The following SDK1 variants were observed in gnomAD, a reference collection of about 807,000 sequenced individuals.
SDK1 encodes the protein sidekick cell adhesion molecule 1.
A neutral mutation model predicts 245.5 loss-of-function variants in SDK1; 157 were observed. The observed-to-expected ratio is 0.64, with a 90% CI of 0.56 to 0.73. The LOEUF is 0.73. Ranked by LOEUF, SDK1 falls within the 30% of genes least tolerant of loss-of-function variation. The probability of loss-of-function intolerance (pLI) is 0.00; values close to 1 mark genes in which losing one functional copy is unlikely to be tolerated. For missense variants in SDK1, 3,583 were observed against 3,002.3 expected (o/e 1.19, Z -4.52); for synonymous variants, 1,647 against 1,278.5 (o/e 1.29, Z -6.15).
At chr7:3,931,624 C>A (rs1281868109) in intron 5 of SDK1, among the ~76,000 whole-genome samples, 1 of 152,228 alleles carries the variant, frequency 6.6e-6, no homozygotes, top group South Asian at 2.1e-4. Flanking sequence ...TCCTTAAACT[C>A]CCCGCCATCT....
intron 1 of SDK1, among the ~76,000 whole-genome samples, chr7:3,417,689 G>C (rs547156442): frequency 1.3e-5 from 2 of 152,082 alleles, no homozygotes; most frequent in Non-Finnish European, 2.9e-5. Context: ...TTTTCTAACA[G>C]TCTTCTTTGC....
intron 4 of SDK1, among the ~76,000 whole-genome samples, chr7:3,757,484 A>C (rs569723583): frequency 6.6e-6 from 1 of 152,158 alleles, no homozygotes; most frequent in South Asian, 2.1e-4. Context: ...CAGTCCTCCC[A>C]CTTTGGCCTC....
chr7:4,168,884 T>G (rs1781661096), intron 32 of SDK1, among the ~76,000 whole-genome samples: 1 of 152,080 alleles, frequency 6.6e-6, no homozygotes, highest in South Asian at 2.1e-4. Context: ...AGGTCTCTCA[T>G]CTTCACTGCC....
intron 5 of SDK1, among the ~76,000 whole-genome samples, chr7:3,879,498 CACGCCCTTTT>C (rs1781153530): frequency 2.6e-5 from 4 of 152,168 alleles, no homozygotes; most frequent in African/African-American, 7.2e-5. Context: ...TCCTGGACCC[CACGCCCTTTT>C]CAAGGGGCCA....
intron 1 of SDK1, among the ~76,000 whole-genome samples, chr7:3,427,746 C>T (rs1779717246): frequency 6.6e-6 from 1 of 152,042 alleles, no homozygotes; most frequent in Non-Finnish European, 1.5e-5. Flanking sequence ...TTTTTGCTGG[C>T]ATCACTTCCT....
At position 4,088,701 on chromosome 7, in the gene SDK1, C is replaced by G. The variant is rs568266681; in HGVS notation, c.3324+9117C>G. On this transcript the variant is annotated intron_variant, in intron 22 of 44. Coordinates refer to ENST00000404826, the MANE Select transcript of SDK1 (RefSeq NM_152744.4). Reference sequence around the variant, plus strand: ...TTTCACTATTCCGGAGCTCCTGAGACAGAAGCAATTTGGTCTTGATGTTTG... The same window carrying G: ...TTTCACTATTCCGGAGCTCCTGAGAGAGAAGCAATTTGGTCTTGATGTTTG... Among the ~76,000 whole-genome samples the G allele has an allele frequency of 4.9e-4, 74 of 152,236 alleles. 1 individual carries two copies. In the South Asian group the frequency reaches 0.015, roughly 30 times the overall value.
chr7:3,546,270 G>A (rs10250397), intron 1 of SDK1, among the ~76,000 whole-genome samples: 1 of 151,748 alleles, frequency 6.6e-6, no homozygotes, highest in Admixed American at 6.6e-5. Flanking sequence ...AAAGGGCACT[G>A]GAAACAGAAA....
chr7:3,676,131 A>T (rs962756543), intron 4 of SDK1, among the ~76,000 whole-genome samples: 1 of 151,754 alleles, frequency 6.6e-6, no homozygotes, highest in African/African-American at 2.4e-5. Context: ...ACACCTGGCT[A>T]AATTTTGTAT....
intron 38 of SDK1, among the ~76,000 whole-genome samples, chr7:4,216,397 G>A (rs1459275997): frequency 1.3e-5 from 2 of 152,184 alleles, no homozygotes; most frequent in African/African-American, 4.8e-5. Flanking sequence ...ACTCCCGTCT[G>A]CTCCTCCCCG....
chr7:3,836,555 A>G lies in SDK1; in HGVS notation c.847+14972A>G, dbSNP rs1035528031. On this transcript the variant is annotated intron_variant, in intron 5 of 44. Transcript: ENST00000404826. ...AACAAAAGACAAACAAGCACTTTCA[A>G]TATGGTTTGGGATGTTCTAAGGGAA... 4.5e-4 allele frequency among the ~76,000 whole-genome samples: 69 copies of G among 152,302 alleles called. 1 individual carries two copies. The highest frequency in any genetic ancestry group is 3.7e-3 in the Admixed American group (57 of 15,308).
At chr7:3,744,905 G>A (rs1229641090) in intron 4 of SDK1, among the ~76,000 whole-genome samples, 1 of 152,000 alleles carries the variant, frequency 6.6e-6, no homozygotes, top group Admixed American at 6.6e-5. Flanking sequence ...CCAAAATAAA[G>A]AACTGCTTTT....
chr7:3,400,603 A>G (rs891458521), intron 1 of SDK1, among the ~76,000 whole-genome samples: 17 of 152,176 alleles, frequency 1.1e-4, no homozygotes, highest in African/African-American at 3.9e-4. Flanking sequence ...ATAAAAAGTA[A>G]AGTACAGGAT....
Position 4,187,156 on chromosome 7 carries a change from G to A in SDK1, c.5098+8570G>A, listed in dbSNP as rs986624687. On this transcript the variant is annotated intron_variant, in intron 35 of 44. Transcript: ENST00000404826. ...GTGGGCTTGCTGCTACATGAGGCAC[G>A]GGGGCCAAGTCCAGGGATGAGGCAG... Among the ~76,000 whole-genome samples the A allele has an allele frequency of 5.9e-5, 9 of 152,270 alleles. 1 individual carries two copies. The South Asian group carries it at 1.9e-3, about 32-fold the overall frequency.
intron 5 of SDK1, among the ~76,000 whole-genome samples, chr7:3,912,706 C>T (rs763238278): frequency 4.6e-5 from 7 of 152,240 alleles, no homozygotes; most frequent in Non-Finnish European, 8.8e-5. Flanking sequence ...ACTTATCATT[C>T]TCCTCTGGCA....
chr7:4,245,419 C>T (rs1340062352), intron 43 of SDK1, among the ~76,000 whole-genome samples: 1 of 152,202 alleles, frequency 6.6e-6, no homozygotes, highest in Non-Finnish European at 1.5e-5. Flanking sequence ...ACTGCCCCTC[C>T]TGGCACAGAC....
At chr7:3,908,266 G>A (rs1779030411) in intron 5 of SDK1, among the ~76,000 whole-genome samples, 1 of 152,206 alleles carries the variant, frequency 6.6e-6, no homozygotes, top group South Asian at 2.1e-4. Flanking sequence ...AACACTCACT[G>A]AAGTTCTGTC....
Position 4,159,281 on chromosome 7 carries a change from A to G in SDK1, c.4729+730A>G, listed in dbSNP as rs145403402. 7.2e-4 allele frequency among the ~76,000 whole-genome samples: 109 copies of G among 152,336 alleles called. 3 individuals are homozygous for G. The East Asian group carries it at 0.02, about 28-fold the overall frequency. On this transcript the variant is annotated intron_variant, in intron 31 of 44. Coordinates refer to ENST00000404826, the MANE Select transcript of SDK1 (RefSeq NM_152744.4). ...CAGCTGGCTCACCCTGTGACCTCAC[A>G]TCTCCACTTCTGCTCTCTCGATGAC...
At chr7:3,381,495 C>T (rs953403671) in intron 1 of SDK1, among the ~76,000 whole-genome samples, 16 of 150,502 alleles carry the variant, frequency 1.1e-4, no homozygotes, top group African/African-American at 2.9e-4. Flanking sequence ...AGAGAGGGGG[C>T]GGGGAAGGGG....
At chr7:3,545,837 A>C (rs1459993369) in intron 1 of SDK1, among the ~76,000 whole-genome samples, 2 of 152,254 alleles carry the variant, frequency 1.3e-5, no homozygotes, top group African/African-American at 4.8e-5. Context: ...AAAAGTGAAA[A>C]GAGAAAAGTA....
Sources: gnomAD v4.1 joint callset for allele counts (sites outside exome capture counted in the v4.1 genomes callset) on GRCh38, gnomAD v4.1.1 for gene constraint, MANE v1.5 for transcripts, NCBI Gene and HGNC (gene_info 2026-07-23, HGNC 2026-07-21) for gene names.